SLC24A2: variants seen among roughly 807,000 people sequenced by gnomAD.
The protein encoded by SLC24A2 is solute carrier family 24 member 2.
Under a neutral mutation model 62.0 loss-of-function variants are expected in SLC24A2, and 36 were observed. That is an observed-to-expected ratio of 0.58 (90% CI 0.44 to 0.77). The LOEUF is 0.77. Among genes scored for constraint, SLC24A2 ranks in the 30% least tolerant of loss-of-function variants. The pLI is 0.00. For missense variants in SLC24A2, 846 were observed against 817.9 expected (o/e 1.03, Z -0.42); for synonymous variants, 358 against 294.0 (o/e 1.22, Z -2.23).
At chr9:19,961,857 G>A in the SLC24A2 span, among the ~76,000 whole-genome samples, 1 of 152,068 alleles carries the variant, frequency 6.6e-6, no homozygotes, top group Non-Finnish European at 1.5e-5. Context: ...TACAGTCAGG[G>A]AAGTGAACTT....
chr9:20,222,172 G>C, the SLC24A2 span, among the ~76,000 whole-genome samples: 1 of 151,790 alleles, frequency 6.6e-6, no homozygotes, highest in Non-Finnish European at 1.5e-5. Flanking sequence ...TGTTAAACAT[G>C]TAAGAGTGAC....
At chr9:19,849,587 T>A in the SLC24A2 span, among the ~76,000 whole-genome samples, 1 of 152,216 alleles carries the variant, frequency 6.6e-6, no homozygotes, top group Non-Finnish European at 1.5e-5. Context: ...TATCTAATTT[T>A]AAAAATGAAA....
chr9:20,206,795 T>G, the SLC24A2 span, among the ~76,000 whole-genome samples: 1 of 151,922 alleles, frequency 6.6e-6, no homozygotes, highest in Non-Finnish European at 1.5e-5. Flanking sequence ...TTACTTTTAA[T>G]TAATAAATCT....
At chr9:19,803,795 A>G in the SLC24A2 span, among the ~76,000 whole-genome samples, 2 of 152,176 alleles carry the variant, frequency 1.3e-5, no homozygotes, top group East Asian at 3.8e-4. Context: ...CTATTGTTAG[A>G]AATTGTGAAA....
chr9:19,766,842 T>G (rs1292011897), intron 2 of SLC24A2, among the ~76,000 whole-genome samples: 2 of 152,196 alleles, frequency 1.3e-5, no homozygotes, highest in African/African-American at 4.8e-5. Context: ...TCTGCTGCTC[T>G]CTTCAGAGCC....
In SLC24A2 at chr9:19,511,536, C is replaced by T. The variant is rs1313647883; in HGVS notation, c.*4617G>A. 2.6e-5 allele frequency: 4 copies of T among 152,162 alleles called. No homozygotes were observed. Among genetic ancestry groups the T allele is most frequent in the African/African-American group, 9.7e-5 (4 of 41,434 alleles). The allele number at this position is 152,162 out of a possible 1,614,324, so 9.4% of individuals were successfully genotyped here. On this transcript the variant is annotated 3_prime_UTR_variant, in exon 11 of 11. Coordinates refer to ENST00000341998, the MANE Select transcript of SLC24A2 (RefSeq NM_020344.4). ...AATTAATATCTCCTTTCTTCCCTTT[C>T]CTTATTATTCTATTTTTTCTCCTAC...
chr9:20,030,481 TGAG>T, the SLC24A2 span, among the ~76,000 whole-genome samples: 1 of 152,118 alleles, frequency 6.6e-6, no homozygotes, highest in Non-Finnish European at 1.5e-5. Context: ...TGCCATACTA[TGAG>T]GAGGAAGGGG....
the SLC24A2 span, among the ~76,000 whole-genome samples, chr9:20,194,991 T>C: frequency 4.6e-5 from 7 of 152,186 alleles, no homozygotes; most frequent in Non-Finnish European, 8.8e-5. Context: ...TATACATCCG[T>C]AAACCATGTA....
the SLC24A2 span, among the ~76,000 whole-genome samples, chr9:19,861,249 T>C: frequency 3.3e-5 from 5 of 152,108 alleles, no homozygotes; most frequent in African/African-American, 9.7e-5. Context: ...AAAAAGAGAT[T>C]CCATTTGTTT....
chr9:20,049,202 C>CAGGA, the SLC24A2 span, among the ~76,000 whole-genome samples: 10,075 of 152,182 alleles, frequency 0.066, 498 homozygotes, highest in African/African-American at 0.13. Context: ...GTAGCCCAAA[C>CAGGA]AGGAAGGGGA....
intron 6 of SLC24A2, among the ~76,000 whole-genome samples, chr9:19,575,211 G>A (rs1394008752): frequency 1.3e-5 from 2 of 152,190 alleles, no homozygotes; most frequent in African/African-American, 2.4e-5. Flanking sequence ...ACAGCGATAC[G>A]TATGTGATGT....
chr9:19,638,823 C>G (rs1469366543), intron 2 of SLC24A2, among the ~76,000 whole-genome samples: 1 of 151,904 alleles, frequency 6.6e-6, no homozygotes, highest in African/African-American at 2.4e-5. Context: ...TTCCTGGATC[C>G]CTACAGGCAC....
At chr9:19,889,322 T>C in the SLC24A2 span, among the ~76,000 whole-genome samples, 3 of 152,158 alleles carry the variant, frequency 2.0e-5, no homozygotes, top group East Asian at 1.9e-4. Context: ...AAGTTTATTA[T>C]AGGGGAAAAA....
chr9:20,111,239 CAT>C, the SLC24A2 span, among the ~76,000 whole-genome samples: 1 of 152,096 alleles, frequency 6.6e-6, no homozygotes, highest in Non-Finnish European at 1.5e-5. Flanking sequence ...GTGACAGAGA[CAT>C]ATATTCCTAT....
chr9:20,272,858 A>G, the SLC24A2 span, among the ~76,000 whole-genome samples: 2 of 152,206 alleles, frequency 1.3e-5, no homozygotes, highest in Non-Finnish European at 2.9e-5. Flanking sequence ...CAATAGGAAC[A>G]GCACTAGGGG....
rs2132594260 is a variant in SLC24A2 at position 19,508,030 on chromosome 9, T to C, written c.*8123A>G. ...CCGTATCTGAAGAACAAAAGTATAA[T>C]TTCTCTTGCTTTTAGTGCTAGCAGC... On this transcript the variant is annotated 3_prime_UTR_variant, in exon 11 of 11. Coordinates refer to ENST00000341998, the MANE Select transcript of SLC24A2 (RefSeq NM_020344.4). 6.6e-6 allele frequency: 1 copy of C among 152,330 alleles called. No homozygotes were observed. Among genetic ancestry groups the C allele is most frequent in the East Asian group, 1.9e-4 (1 of 5,186 alleles). The allele number at this position is 152,330 out of a possible 1,614,324, so 9.4% of individuals were successfully genotyped here.
the SLC24A2 span, among the ~76,000 whole-genome samples, chr9:19,952,576 A>C: frequency 6.6e-6 from 1 of 151,872 alleles, no homozygotes; most frequent in South Asian, 2.1e-4. Flanking sequence ...ATCTAACAAG[A>C]TAATCACATA....
the SLC24A2 span, among the ~76,000 whole-genome samples, chr9:20,105,987 T>G: frequency 6.6e-6 from 1 of 152,098 alleles, no homozygotes; most frequent in Admixed American, 6.6e-5. Context: ...AAGAATCAAA[T>G]AGACGCAATA....
At chr9:20,187,584 C>G in the SLC24A2 span, among the ~76,000 whole-genome samples, 2 of 152,152 alleles carry the variant, frequency 1.3e-5, no homozygotes, top group Non-Finnish European at 2.9e-5. Flanking sequence ...TCTCTTTGTT[C>G]ATGCTGCTCT....
Sources: gnomAD v4.1 joint callset for allele counts (sites outside exome capture counted in the v4.1 genomes callset) on GRCh38, gnomAD v4.1.1 for gene constraint, MANE v1.5 for transcripts, NCBI Gene and HGNC (gene_info 2026-07-23, HGNC 2026-07-21) for gene names.